FBH1: variants seen among roughly 807,000 people sequenced by gnomAD.
FBH1 encodes DNA 3'-5' helicase 1.
FBH1 carries 43 observed loss-of-function variants against 115.5 expected under a neutral mutation model. The ratio of observed to expected loss-of-function variants is 0.37; its 90% CI spans 0.29 to 0.48. The LOEUF (loss-of-function observed/expected upper bound fraction) is 0.48, where lower values mean the gene tolerates loss of function less well. Ranked by LOEUF, FBH1 falls within the 20% of genes least tolerant of loss-of-function variation. The pLI is 0.99. For synonymous variants in FBH1, 524 were observed against 507.8 expected (o/e 1.03, Z -0.43); for missense variants, 1,001 against 1,337.3 (o/e 0.75, Z 3.92).
At position 5,904,233 on chromosome 10, in the gene FBH1, A is replaced by G. The variant is rs188690054; in HGVS notation, c.157+1058A>G. Among the ~76,000 whole-genome samples, 255 of 152,086 alleles carry G rather than the reference A, an allele frequency of 1.7e-3. 2 individuals are homozygous for G. Among genetic ancestry groups the G allele is most frequent in the African/African-American group, 5.8e-3 (240 of 41,468 alleles). ...TTTTTTGTAGAGACAGGGTTTTGCT[A>G]CGTTGCCCAGGCTGGTCTCAAACTC... On this transcript the variant is annotated intron_variant, in intron 2 of 20. Transcript: ENST00000362091.
chr10:5,898,334 T>C (rs760927927), intron 1 of FBH1, among the ~76,000 whole-genome samples: 14 of 152,192 alleles, frequency 9.2e-5, no homozygotes, highest in Non-Finnish European at 1.5e-5. Flanking sequence ...GGGAGCTCTC[T>C]GAGACCTCTC....
At position 5,910,985 on chromosome 10, in the gene FBH1, C is replaced by A. The variant is rs1319252644; in HGVS notation, c.1068C>A (p.Ser356Arg). Residue 356 changes from serine (S) to arginine (R), a missense_variant, in exon 6 of 21, where the codon AGC becomes AGA. This residue lies in a region of FBH1 where 59 missense variants were observed against 79.7 expected (regional missense o/e 0.74). Coordinates refer to ENST00000362091, the MANE Select transcript of FBH1 (RefSeq NM_178150.3). The surrounding 1 kb of genome is among the most constrained non-coding windows in gnomAD (Gnocchi z 4.8). ...ALVAAVVLLS[S>R]SVNDIQRLLF... is the part of the protein sequence containing the mutation. ...TGGCGGCTGTGGTGCTCCTCTCCAG[C>A]AGTGTGAATGACATCCAGCGACTGC... The A allele has an allele frequency of 6.2e-7, 1 of 1,612,150 alleles. No homozygotes were observed. The highest frequency in any genetic ancestry group is 1.3e-5 in the African/African-American group (1 of 74,910).
rs1831905969 is a variant in FBH1 at position 5,915,993 on chromosome 10, A to G, written c.1566-241A>G. ...CGGGGACCTTCTGGAGCCCAGCTTC[A>G]TGGTGGAATAGCAGTGTCTGCCGAA... On this transcript the variant is annotated intron_variant, in intron 9 of 20. Coordinates refer to ENST00000362091, the MANE Select transcript of FBH1 (RefSeq NM_178150.3). This position sits in a 1 kb window ranked among gnomAD's most constrained non-coding sequence, Gnocchi z 5.2. The G allele has an allele frequency of 7.5e-6, 4 of 535,046 alleles. No individual in the cohort carries two copies. The East Asian group carries it at 9.7e-5, about 13-fold the overall frequency. 33.1% of individuals were successfully genotyped at this position (535,046 alleles called of 1,614,324 possible). A position where few individuals can be genotyped will look rare whatever the true frequency, so the allele number is the denominator to read the frequency against.
Position 5,923,216 on chromosome 10 carries a change from T to C in FBH1, c.2323-405T>C, listed in dbSNP as rs765813016. Among the ~76,000 whole-genome samples, 1 of 152,252 alleles carries C rather than the reference T, an allele frequency of 6.6e-6. No homozygotes were observed. Among genetic ancestry groups the C allele is most frequent in the Non-Finnish European group, 1.5e-5 (1 of 68,052 alleles). On this transcript the variant is annotated intron_variant, in intron 15 of 20. Coordinates refer to ENST00000362091, the MANE Select transcript of FBH1 (RefSeq NM_178150.3). The surrounding 1 kb of genome is among the most constrained non-coding windows in gnomAD (Gnocchi z 5.7). ...TTTTCTCACAAGAAACAGTGGTAAA[T>C]GTGCATACCCAGCACTTTGTATTCA...
rs1225201634 is a variant in FBH1 at position 5,900,487 on chromosome 10, G to C, written c.2-2533G>C. Among the ~76,000 whole-genome samples, 1 of 152,232 alleles carries C rather than the reference G, an allele frequency of 6.6e-6. No homozygotes were observed. The highest frequency in any genetic ancestry group is 2.4e-5 in the African/African-American group (1 of 41,460). On this transcript the variant is annotated intron_variant, in intron 1 of 20. Coordinates refer to ENST00000362091, the MANE Select transcript of FBH1 (RefSeq NM_178150.3). The surrounding 1 kb of genome is among the most constrained non-coding windows in gnomAD (Gnocchi z 4.2). ...CACGCTGCGCTGTGCTGCTTCGTGAGAGTGAGCGCATCTGTGATTGCTGAG... is the reference window on the plus strand; with the variant it reads ...CACGCTGCGCTGTGCTGCTTCGTGACAGTGAGCGCATCTGTGATTGCTGAG...
rs1323914134 is a variant in FBH1, at chr10:5,890,261, G to A, written c.-85G>A. 2 of 366,768 alleles carry A rather than the reference G, an allele frequency of 5.5e-6. No homozygotes were observed. The highest frequency in any genetic ancestry group is 8.3e-5 in the East Asian group (2 of 24,172). 22.7% of individuals were successfully genotyped at this position (366,768 alleles called of 1,614,324 possible). A position where few individuals can be genotyped will look rare whatever the true frequency, so the allele number is the denominator to read the frequency against. ...GCTCCAGGTCCCGGCCAGAGGAGGAGCTCGCTGCCGGGGGACGCTGGGCTG... is the reference window on the plus strand; with the variant it reads ...GCTCCAGGTCCCGGCCAGAGGAGGAACTCGCTGCCGGGGGACGCTGGGCTG... On this transcript the variant is annotated 5_prime_UTR_variant, in exon 1 of 21. Coordinates refer to ENST00000362091, the MANE Select transcript of FBH1 (RefSeq NM_178150.3).
At position 5,890,336 on chromosome 10, in the gene FBH1, G is replaced by T. The variant is rs1234834946; in HGVS notation, c.-10G>T. ...GGCGGCGGCAGCGGGGTCCGGGTCC[G>T]GAGCGCCACAGTGCGTGAGGCCGCA... On this transcript the variant is annotated 5_prime_UTR_variant, in exon 1 of 21. Transcript: ENST00000362091. The T allele has an allele frequency of 5.3e-6, 2 of 377,224 alleles. No individual in the cohort carries two copies. The highest frequency in any genetic ancestry group is 4.3e-5 in the African/African-American group (2 of 46,966). 23.4% of individuals were successfully genotyped at this position (377,224 alleles called of 1,614,324 possible). A position where few individuals can be genotyped will look rare whatever the true frequency, so the allele number is the denominator to read the frequency against.
Position 5,932,204 on chromosome 10 carries a change from C to T in FBH1, c.2830-4252C>T, listed in dbSNP as rs992536620. Among the ~76,000 whole-genome samples, 3 of 152,238 alleles carry T rather than the reference C, an allele frequency of 2.0e-5. No individual in the cohort carries two copies. The highest frequency in any genetic ancestry group is 4.4e-5 in the Non-Finnish European group (3 of 68,038). On this transcript the variant is annotated intron_variant, in intron 19 of 20. Coordinates refer to ENST00000362091, the MANE Select transcript of FBH1 (RefSeq NM_178150.3). This position sits in a 1 kb window ranked among gnomAD's most constrained non-coding sequence, Gnocchi z 5.9. Reference sequence around the variant, plus strand: ...AGTCTCATTACCTCCCTGTTCACTTCAGACTGTTCTCTGCCTCCACCATTG... The same window carrying T: ...AGTCTCATTACCTCCCTGTTCACTTTAGACTGTTCTCTGCCTCCACCATTG...
rs888456069 is a variant in FBH1 at position 5,914,552 on chromosome 10, C to T, written c.1396+283C>T. Among the ~76,000 whole-genome samples the T allele has an allele frequency of 6.6e-6, 1 of 152,226 alleles. No individual in the cohort carries two copies. Among genetic ancestry groups the T allele is most frequent in the Non-Finnish European group, 1.5e-5 (1 of 68,044 alleles). ...ATTGAGCCCAGCATTGTGATGTTTG[C>T]TCAGGCACTGATTGCTTCTGGAGAG... On this transcript the variant is annotated intron_variant, in intron 8 of 20. Transcript: ENST00000362091. The surrounding 1 kb of genome is among the most constrained non-coding windows in gnomAD (Gnocchi z 5.2).
At chr10:5,891,518 C>A (rs1346024238) in intron 1 of FBH1, among the ~76,000 whole-genome samples, 1 of 152,214 alleles carries the variant, frequency 6.6e-6, no homozygotes, top group Non-Finnish European at 1.5e-5. Flanking sequence ...TGCCCCTCTC[C>A]CAGTTTCAGA....
intron 1 of FBH1, among the ~76,000 whole-genome samples, chr10:5,896,587 G>A (rs1843017082): frequency 6.6e-6 from 1 of 152,134 alleles, no homozygotes. Context: ...CATTTCTGTT[G>A]GTTATTGTGG....
chr10:5,906,999 G>T lies in FBH1; in HGVS notation c.753+367G>T, dbSNP rs182693205. ...TTTTTTTGAGACAGAGTTTCCCACTGTTGCCCAGGCTGGAGTGCAGTGGCA... is the reference window on the plus strand; with the variant it reads ...TTTTTTTGAGACAGAGTTTCCCACTTTTGCCCAGGCTGGAGTGCAGTGGCA... On this transcript the variant is annotated intron_variant, in intron 3 of 20. Coordinates refer to ENST00000362091, the MANE Select transcript of FBH1 (RefSeq NM_178150.3). The surrounding 1 kb of genome is among the most constrained non-coding windows in gnomAD (Gnocchi z 7.3). 2.0e-5 allele frequency among the ~76,000 whole-genome samples: 3 copies of T among 148,072 alleles called. No homozygotes were observed. Among genetic ancestry groups the T allele is most frequent in the Non-Finnish European group, 3.0e-5 (2 of 67,358 alleles).
At chr10:5,890,368 G>A (rs1842626799) in intron 1 of FBH1, 22 bp downstream of exon 1, 2 of 374,830 alleles carry the variant, frequency 5.3e-6, no homozygotes, top group East Asian at 8.1e-5. Context: ...CGCAGACGTG[G>A]CAGGGAGTGT....
chr10:5,934,979 A>C (rs1381494618), intron 19 of FBH1: 1 of 152,130 alleles, frequency 6.6e-6, no homozygotes, highest in East Asian at 1.9e-4. Flanking sequence ...CCACCCCTTA[A>C]ATTTATATAA....
chr10:5,926,827 T>C (rs752803899), intron 18 of FBH1, among the ~76,000 whole-genome samples: 1 of 152,270 alleles, frequency 6.6e-6, no homozygotes, highest in African/African-American at 2.4e-5. Context: ...GCCTCGGGTC[T>C]GCTGTTCTTT....
chr10:5,893,489 CTTGTT>C (rs1341877532), intron 1 of FBH1, among the ~76,000 whole-genome samples: 3 of 152,196 alleles, frequency 2.0e-5, no homozygotes, highest in Non-Finnish European at 4.4e-5. Flanking sequence ...CAGGGAACCT[CTTGTT>C]TTGATGAAGC....
rs572656740 is a variant in FBH1 at position 5,917,184 on chromosome 10, T to A, written c.1789-236T>A. 4.9e-5 allele frequency: 27 copies of A among 546,812 alleles called. No individual in the cohort carries two copies. The highest frequency in any genetic ancestry group is 4.9e-4 in the Middle Eastern group (1 of 2,034). 33.9% of individuals were successfully genotyped at this position (546,812 alleles called of 1,614,324 possible). A position where few individuals can be genotyped will look rare whatever the true frequency, so the allele number is the denominator to read the frequency against. ...CCTTTTCTGGTTCACCTAACTGTTA[T>A]GATCTCTGTCCTGTCACGGGCATGG... On this transcript the variant is annotated intron_variant, in intron 10 of 20. Coordinates refer to ENST00000362091, the MANE Select transcript of FBH1 (RefSeq NM_178150.3). The surrounding 1 kb of genome is among the most constrained non-coding windows in gnomAD (Gnocchi z 5.6).
At position 5,909,169 on chromosome 10, in the gene FBH1, A is replaced by T; in HGVS notation, c.895A>T (p.Thr299Ser). The T allele has an allele frequency of 6.2e-7, 1 of 1,613,586 alleles. No homozygotes were observed. Among genetic ancestry groups the T allele is most frequent in the South Asian group, 1.1e-5 (1 of 91,064 alleles). ...GTGAATGTCTTACAGATACACAGCC[A>T]CCACTAAGTGCTCTCCGAGTGTGGA... Reference protein sequence around the residue: ...CVLNLIRYTATTKCSPSVDPE... With the variant: ...CVLNLIRYTASTKCSPSVDPE... The change falls in exon 5 of 21, where the codon ACC becomes TCC. Residue 299 changes from threonine to serine, a missense_variant. By Grantham distance (58) the Thr-to-Ser change is moderately conservative (BLOSUM62 1). Around this residue, in one of 4 missense-constraint regions of FBH1, gnomAD observed 420 missense variants for 430.4 expected, o/e 0.98. Transcript: ENST00000362091. This position sits in a 1 kb window ranked among gnomAD's most constrained non-coding sequence, Gnocchi z 4.4.
In FBH1 at chr10:5,917,372, C is replaced by T; in HGVS notation, c.1789-48C>T. 6.5e-7 allele frequency: 1 copy of T among 1,535,722 alleles called. No homozygotes were observed. On this transcript the variant is annotated intron_variant, in intron 10 of 20. Transcript: ENST00000362091. The surrounding 1 kb of genome is among the most constrained non-coding windows in gnomAD (Gnocchi z 5.6). Reference sequence around the variant, plus strand: ...TGACAGTGTGACCGCAGGGTGCTGCCTTTGCCAGGGTCTCAAACTCTGGGT... The same window carrying T: ...TGACAGTGTGACCGCAGGGTGCTGCTTTTGCCAGGGTCTCAAACTCTGGGT...
Sources: gnomAD v4.1 joint callset for allele counts (sites outside exome capture counted in the v4.1 genomes callset) on GRCh38, gnomAD v4.1.1 for gene constraint, gnomAD v4.1.1 regional missense constraint, Gnocchi (gnomAD v3.1) non-coding constraint, MANE v1.5 for transcripts, NCBI Gene and HGNC (gene_info 2026-07-23, HGNC 2026-07-21) for gene names.